Variants in TBC1D9 observed in about 807,000 individuals in gnomAD.
TBC1D9 encodes TBC1 domain family member 9A.
A neutral mutation model predicts 132.0 loss-of-function variants in TBC1D9; 63 were observed. The ratio of observed to expected loss-of-function variants is 0.48; its 90% confidence interval spans 0.39 to 0.59. The LOEUF is 0.59. TBC1D9 is among the 20% of genes least tolerant of loss of function. The probability of loss-of-function intolerance (pLI) is 0.00; values close to 1 mark genes in which losing one functional copy is unlikely to be tolerated. For synonymous variants in TBC1D9, 610 were observed against 609.9 expected (o/e 1.00, Z 0.00); for missense variants, 1,261 against 1,592.7 (o/e 0.79, Z 3.54).
At chr4:140,730,846 C>T (rs998508776) in intron 1 of TBC1D9, among the ~76,000 whole-genome samples, 2 of 152,194 alleles carry the variant, frequency 1.3e-5, no homozygotes, top group Non-Finnish European at 2.9e-5. Context: ...GTATGAGGCA[C>T]GAGTACTTGC....
chr4:140,632,533 C>A (rs1736813818), intron 16 of TBC1D9, among the ~76,000 whole-genome samples: 2 of 152,132 alleles, frequency 1.3e-5, no homozygotes, highest in Non-Finnish European at 2.9e-5. Flanking sequence ...TTGTTCGAAT[C>A]CTGGGTCTAG....
intron 1 of TBC1D9, among the ~76,000 whole-genome samples, chr4:140,726,290 GA>G (rs889725273): frequency 9.5e-5 from 14 of 147,546 alleles, no homozygotes; most frequent in South Asian, 2.2e-4. Context: ...CTCCGCCTCA[GA>G]AAAAAAAAAA....
At chr4:140,694,794 T>TC (rs1560888080) in intron 2 of TBC1D9, among the ~76,000 whole-genome samples, 3 of 107,342 alleles carry the variant, frequency 2.8e-5, no homozygotes, top group African/African-American at 1.8e-4. Context: ...TTTTTTAAAG[T>TC]CTGAAAGTGA....
intron 16 of TBC1D9, among the ~76,000 whole-genome samples, chr4:140,632,861 C>T (rs1259553174): frequency 6.6e-6 from 1 of 152,302 alleles, no homozygotes; most frequent in East Asian, 1.9e-4. Flanking sequence ...TCAGTTATCA[C>T]TATCATTATT....
intron 1 of TBC1D9, among the ~76,000 whole-genome samples, chr4:140,733,455 T>C (rs1430863829): frequency 1.3e-5 from 2 of 152,174 alleles, no homozygotes; most frequent in African/African-American, 2.4e-5. Flanking sequence ...GGGACAAAAA[T>C]TTGATTCTCT....
At chr4:140,737,463 T>G (rs868645942) in intron 1 of TBC1D9, among the ~76,000 whole-genome samples, 3 of 122,944 alleles carry the variant, frequency 2.4e-5, no homozygotes, top group African/African-American at 9.4e-5. Flanking sequence ...TCTCTCTCTC[T>G]CTCACACACA....
intron 1 of TBC1D9, among the ~76,000 whole-genome samples, chr4:140,753,537 G>A (rs1738957555): frequency 6.6e-6 from 1 of 152,156 alleles, no homozygotes; most frequent in Admixed American, 6.6e-5. Context: ...TTCTCTCCAG[G>A]CTCAAGTTCC....
intron 1 of TBC1D9, among the ~76,000 whole-genome samples, chr4:140,713,984 C>T (rs1330023309): frequency 6.6e-6 from 1 of 152,144 alleles, no homozygotes; most frequent in African/African-American, 2.4e-5. Context: ...GCTCCTGCTG[C>T]TTTCTGTAAA....
chr4:140,670,585 ATGAGATATTGC>A (rs1374325294), intron 7 of TBC1D9, 124 bp downstream of exon 7: 4 of 667,042 alleles, frequency 6.0e-6, no homozygotes, highest in Non-Finnish European at 1.0e-5. Flanking sequence ...TGAGATTTAA[ATGAGATATTGC>A]TGAGATATTG....
intron 15 of TBC1D9, among the ~76,000 whole-genome samples, chr4:140,635,022 T>G (rs1736855835): frequency 2.0e-5 from 3 of 152,168 alleles, no homozygotes; most frequent in Non-Finnish European, 4.4e-5. Context: ...TAGAAAGTTC[T>G]GAAAGAACAC....
At chr4:140,708,378 G>A (rs1224037860) in intron 1 of TBC1D9, among the ~76,000 whole-genome samples, 1 of 152,110 alleles carries the variant, frequency 6.6e-6, no homozygotes, top group Non-Finnish European at 1.5e-5. Context: ...GAAGTAATTT[G>A]TTACTTTTTA....
chr4:140,624,909 G>A (rs1400227003), intron 18 of TBC1D9, among the ~76,000 whole-genome samples: 2 of 152,078 alleles, frequency 1.3e-5, no homozygotes, highest in Non-Finnish European at 2.9e-5. Flanking sequence ...AAAATTAGCC[G>A]GATGTGGTGG....
At chr4:140,673,333 T>A (rs1737567137) in intron 6 of TBC1D9, among the ~76,000 whole-genome samples, 1 of 152,138 alleles carries the variant, frequency 6.6e-6, no homozygotes, top group South Asian at 2.1e-4. Context: ...CTTATTTATT[T>A]AAAAAAATTA....
intron 1 of TBC1D9, 132 bp downstream of exon 1, chr4:140,755,784 C>T: frequency 7.6e-7 from 1 of 1,309,724 alleles, no homozygotes; most frequent in Non-Finnish European, 9.8e-7. Flanking sequence ...CGATGCCTCG[C>T]ATACAACGAG....
At position 140,621,961 on chromosome 4, in the gene TBC1D9, T is replaced by G. The variant is rs986912524; in HGVS notation, c.*234A>C. Reference sequence around the variant, plus strand: ...TTTTTGTTTTTTAGAATTCACGAAATAAACTGTATTCTGGTAAATCCCCTC... The same window carrying G: ...TTTTTGTTTTTTAGAATTCACGAAAGAAACTGTATTCTGGTAAATCCCCTC... On this transcript the variant is annotated 3_prime_UTR_variant, in exon 21 of 21. Coordinates refer to ENST00000442267, the MANE Select transcript of TBC1D9 (RefSeq NM_015130.3). The G allele has an allele frequency of 2.1e-6, 1 of 473,070 alleles. No homozygotes were observed. The highest frequency in any genetic ancestry group is 2.0e-5 in the African/African-American group (1 of 50,700). 29.3% of individuals were successfully genotyped at this position (473,070 alleles called of 1,614,324 possible).
intron 2 of TBC1D9, 114 bp from the exon 3 acceptor site, chr4:140,686,576 G>A (rs369726794): frequency 1.5e-6 from 1 of 652,208 alleles, no homozygotes; most frequent in Non-Finnish European, 2.6e-6. Flanking sequence ...CGGACCAAGA[G>A]CTTTGCCTTT....
In TBC1D9 at chr4:140,662,046, C is replaced by T; in HGVS notation, c.1650G>A (p.Met550Ile). 6.2e-7 allele frequency: 1 copy of T among 1,613,980 alleles called. No individual in the cohort carries two copies. The highest frequency in any genetic ancestry group is 8.5e-7 in the Non-Finnish European group (1 of 1,179,882). The stretch of plus-strand genomic sequence containing the variant: ...CCTCCGTGGCGAGATTATACTTCCC[C>T]ATGGACTTCTCCACTAGGTCTTCAT... ...GYYEDLVEKS[M>I]GKYNLATEEI... Residue 550 changes from methionine (M) to isoleucine (I), a missense_variant, in exon 10 of 21, where the codon ATG becomes ATA. Met to Ile is a conservative substitution (Grantham distance 10). This residue lies in a region of TBC1D9 where 550 missense variants were observed against 699.0 expected (regional missense o/e 0.79). Transcript: ENST00000442267.
Position 140,628,498 on chromosome 4 carries a change from C to T in TBC1D9, c.2747-133G>A, listed in dbSNP as rs974382736. 1.0e-5 allele frequency: 8 copies of T among 786,050 alleles called. No individual in the cohort carries two copies. In the African/African-American group the frequency reaches 1.4e-4, roughly 13 times the overall value. The allele number at this position is 786,050 out of a possible 1,614,324, so 48.7% of individuals were successfully genotyped here. A position where few individuals can be genotyped will look rare whatever the true frequency, so the allele number is the denominator to read the frequency against. On this transcript the variant is annotated intron_variant, in intron 16 of 20. Transcript: ENST00000442267. ...TGTGTGGTGAAAGGCCTGGCCAGGA[C>T]CTGTTTGGGTTAACAGCTCAGGAAC...
At chr4:140,749,598 G>T (rs1015740410) in intron 1 of TBC1D9, among the ~76,000 whole-genome samples, 2 of 152,106 alleles carry the variant, frequency 1.3e-5, no homozygotes, top group African/African-American at 4.8e-5. Context: ...CAAGGTAGGG[G>T]AATTGGTTTA....
Sources: allele counts gnomAD v4.1 joint callset (sites outside exome capture counted in the v4.1 genomes callset), GRCh38; gene constraint gnomAD v4.1.1; regional missense constraint gnomAD v4.1.1; transcripts MANE v1.5; gene names NCBI Gene and HGNC (gene_info 2026-07-23, HGNC 2026-07-21).